Variants in SLC23A2 observed in about 807,000 individuals in gnomAD.
The protein encoded by SLC23A2 is Na(+)/L-ascorbic acid transporter 2.
Under a neutral mutation model 73.3 loss-of-function variants are expected in SLC23A2, and 36 were observed. That is an observed-to-expected ratio of 0.49 (90% confidence interval 0.38 to 0.65). SLC23A2 has a LOEUF of 0.65. Among genes scored for constraint, SLC23A2 ranks in the 30% least tolerant of loss-of-function variants. SLC23A2 has a pLI of 0.00. For missense variants in SLC23A2, 507 were observed against 841.6 expected (o/e 0.60, Z 4.92); for synonymous variants, 343 against 327.3 (o/e 1.05, Z -0.52).
chr20:4,930,656 TA>T (rs1409132221), intron 3 of SLC23A2, among the ~76,000 whole-genome samples: 2 of 152,064 alleles, frequency 1.3e-5, no homozygotes, highest in African/African-American at 4.8e-5. Flanking sequence ...CCATCTCTAC[TA>T]AAAATACAAA....
intron 3 of SLC23A2, among the ~76,000 whole-genome samples, chr20:4,918,834 G>A (rs1441555659): frequency 3.3e-5 from 5 of 152,028 alleles, no homozygotes; most frequent in Non-Finnish European, 7.4e-5. Flanking sequence ...TAAACCAATC[G>A]CTTTCAGAAT....
chr20:4,873,024 G>C (rs1267036661), intron 11 of SLC23A2, among the ~76,000 whole-genome samples: 1 of 152,188 alleles, frequency 6.6e-6, no homozygotes. Flanking sequence ...CAAAGTGCTG[G>C]GGTTACAGGC....
At chr20:4,952,232 A>G (rs962799699) in intron 2 of SLC23A2, among the ~76,000 whole-genome samples, 3 of 152,092 alleles carry the variant, frequency 2.0e-5, no homozygotes, top group Non-Finnish European at 4.4e-5. Flanking sequence ...AGGGCATTCT[A>G]GGTTCATGCA....
chr20:4,889,779 A>G (rs1600103238), intron 6 of SLC23A2, among the ~76,000 whole-genome samples: 2 of 152,110 alleles, frequency 1.3e-5, no homozygotes, highest in East Asian at 3.9e-4. Flanking sequence ...CCCACCATGT[A>G]TCCTCAGCAC....
intron 15 of SLC23A2, among the ~76,000 whole-genome samples, chr20:4,861,214 G>A (rs1378515757): frequency 6.6e-6 from 1 of 152,178 alleles, no homozygotes; most frequent in East Asian, 1.9e-4. Flanking sequence ...CAGCGGGTGG[G>A]AGCAGGCGGT....
intron 1 of SLC23A2, among the ~76,000 whole-genome samples, chr20:4,978,185 CA>C (rs1335493637): frequency 2.0e-5 from 3 of 152,082 alleles, no homozygotes; most frequent in African/African-American, 7.2e-5. Flanking sequence ...ACATTCCTGG[CA>C]AAATGACAAA....
Position 4,971,639 on chromosome 20 carries a change from T to A in SLC23A2, c.-281-720A>T, listed in dbSNP as rs182077585. Among the ~76,000 whole-genome samples the A allele has an allele frequency of 3.7e-3, 544 of 148,872 alleles. 5 individuals are homozygous for A. The highest frequency in any genetic ancestry group is 0.013 in the African/African-American group (506 of 40,240). ...TCTACAAAAAAAAAAAAAAAAAAAT[T>A]ATCTCGTCGTGGTGGCACACACCTG... On this transcript the variant is annotated intron_variant, in intron 1 of 16. Coordinates refer to ENST00000338244, the MANE Select transcript of SLC23A2 (RefSeq NM_005116.6).
chr20:4,918,332 T>A (rs959846775), intron 3 of SLC23A2, among the ~76,000 whole-genome samples: 2 of 152,174 alleles, frequency 1.3e-5, no homozygotes, highest in African/African-American at 4.8e-5. Flanking sequence ...TGGCCTTAAG[T>A]TTTGTCTCCT....
chr20:5,004,815 C>T (rs907175911), upstream of SLC23A2, among the ~76,000 whole-genome samples: 1 of 152,120 alleles, frequency 6.6e-6, no homozygotes, highest in African/African-American at 2.4e-5. Flanking sequence ...GCCTGACCAA[C>T]ATGGAGAAAC....
Position 4,938,163 on chromosome 20 carries a change from T to C in SLC23A2, c.-154-5447A>G, listed in dbSNP as rs2086989470. ...CTCCCACCTCAGCCTCCTGAGTAGC[T>C]AGGACTACAGGCATGTGCCACACCT... On this transcript the variant is annotated intron_variant, in intron 2 of 16. Transcript: ENST00000338244. Among the ~76,000 whole-genome samples, 3 of 151,728 alleles carry C rather than the reference T, an allele frequency of 2.0e-5. 1 individual carries two copies. Among genetic ancestry groups the C allele is most frequent in the South Asian group, 4.2e-4 (2 of 4,804 alleles).
chr20:4,861,830 C>T (rs527682295), intron 15 of SLC23A2, 118 bp downstream of exon 15: 23 of 966,234 alleles, frequency 2.4e-5, no homozygotes, highest in South Asian at 1.7e-4. Flanking sequence ...GATCCACAGA[C>T]GCATCTGCAC....
chr20:4,857,931 AAAAACAAAACAAAAC>A lies in SLC23A2; in HGVS notation c.1721-742_1721-728del, dbSNP rs371232184. On this transcript the variant is annotated intron_variant, in intron 16 of 16. Coordinates refer to ENST00000338244, the MANE Select transcript of SLC23A2 (RefSeq NM_005116.6). The surrounding 1 kb of genome is among the most constrained non-coding windows in gnomAD (Gnocchi z 4.0). ...GGGCAACAGAGCAAGACTCTGTCTT[AAAAACAAAACAAAAC>A]AAAACAAAACAAACAACAAAACACA... is the stretch of plus-strand genomic sequence containing the variant. Among the ~76,000 whole-genome samples the A allele has an allele frequency of 3.8e-4, 58 of 152,014 alleles. No individual in the cohort carries two copies. The highest frequency in any genetic ancestry group is 1.4e-3 in the African/African-American group (56 of 41,406).
intron 1 of SLC23A2, among the ~76,000 whole-genome samples, chr20:5,007,006 G>A (rs2088199554): frequency 6.6e-6 from 1 of 151,494 alleles, no homozygotes; most frequent in Non-Finnish European, 1.5e-5. Context: ...GATGTGCATT[G>A]AAGCATTGTT....
intron 3 of SLC23A2, among the ~76,000 whole-genome samples, chr20:4,926,018 T>G (rs1283238050): frequency 6.6e-6 from 1 of 152,210 alleles, no homozygotes; most frequent in African/African-American, 2.4e-5. Context: ...TTACCAGGTA[T>G]GTGCACCAGA....
chr20:5,001,761 ACACCTGTTCCTGGGGACC>A (rs1402206778), upstream of SLC23A2, among the ~76,000 whole-genome samples: 4 of 150,438 alleles, frequency 2.7e-5, no homozygotes, highest in Admixed American at 2.0e-4. Flanking sequence ...CCCACCAGTC[ACACCTGTTCCTGGGGACC>A]CACCTGGCAA....
At chr20:4,926,510 CTTTTTTT>C (rs3055953) in intron 3 of SLC23A2, among the ~76,000 whole-genome samples, 1,725 of 105,026 alleles carry the variant, frequency 0.016, 59 homozygotes, top group South Asian at 0.088. Flanking sequence ...ATTTTTTTTG[CTTTTTTT>C]TTTTTTTTTT....
intron 2 of SLC23A2, among the ~76,000 whole-genome samples, chr20:4,933,245 T>G (rs1355345646): frequency 6.6e-6 from 1 of 152,116 alleles, no homozygotes. Context: ...AGATGGGCAT[T>G]AAAATAATTC....
At chr20:4,942,312 A>C (rs1470771682) in intron 2 of SLC23A2, among the ~76,000 whole-genome samples, 1 of 151,528 alleles carries the variant, frequency 6.6e-6, no homozygotes, top group Admixed American at 6.6e-5. Flanking sequence ...GATTTCTTAA[A>C]GCTCCCTGCA....
Position 4,853,069 on chromosome 20 carries a change from A to C in SLC23A2, c.*3903T>G, listed in dbSNP as rs1304241556. The stretch of plus-strand genomic sequence containing the variant: ...CTAAAAAGTCATGAGGGGACAGAGT[A>C]CAACAGGCAGCACGTTAAGTCCCTG... On this transcript the variant is annotated 3_prime_UTR_variant, in exon 17 of 17. Transcript: ENST00000338244. 1 of 152,310 alleles carries C rather than the reference A, an allele frequency of 6.6e-6. No individual in the cohort carries two copies. Among genetic ancestry groups the C allele is most frequent in the East Asian group, 1.9e-4 (1 of 5,202 alleles). The allele number at this position is 152,310 out of a possible 1,614,324, so 9.4% of individuals were successfully genotyped here.
Sources: allele counts gnomAD v4.1 joint callset (sites outside exome capture counted in the v4.1 genomes callset), GRCh38; gene constraint gnomAD v4.1.1; non-coding constraint Gnocchi (gnomAD v3.1); transcripts MANE v1.5; gene names NCBI Gene and HGNC (gene_info 2026-07-23, HGNC 2026-07-21).